TRIM64C: variants seen among roughly 807,000 people sequenced by gnomAD.
TRIM64C encodes the protein tripartite motif containing 64C.
TRIM64C carries 25 observed loss-of-function variants against 36.1 expected under a neutral mutation model. The ratio of observed to expected loss-of-function variants is 0.69; its 90% CI spans 0.51 to 0.97. TRIM64C has a LOEUF of 0.97. Ranked by LOEUF, TRIM64C falls within the 50% of genes least tolerant of loss-of-function variation. The probability of loss-of-function intolerance (pLI) is 0.00; values close to 1 mark genes in which losing one functional copy is unlikely to be tolerated. For missense variants in TRIM64C, 489 were observed against 536.8 expected, an observed-to-expected ratio of 0.91 and a Z score of 0.88; for synonymous variants, 212 against 185.7, an observed-to-expected ratio of 1.14 and a Z score of -1.15.
chr11:49,054,995 A>C (rs1448563493), intron 5 of TRIM64C, among the ~76,000 whole-genome samples: 2 of 152,240 alleles, frequency 1.3e-5, no homozygotes, highest in East Asian at 3.8e-4. Flanking sequence ...GATTGAATTA[A>C]ATTGAATAAA....
At chr11:49,055,273 T>C (rs1357343764) in intron 5 of TRIM64C, 37 bp downstream of exon 5, 2 of 1,534,634 alleles carry the variant, frequency 1.3e-6, no homozygotes, top group Admixed American at 3.9e-5. Context: ...AATAAGGAAA[T>C]AATTTGAGGC....
chr11:49,055,188 T>C, intron 5 of TRIM64C, 122 bp downstream of exon 5: 2 of 1,230,732 alleles, frequency 1.6e-6, no homozygotes, highest in African/African-American at 1.5e-5. Flanking sequence ...GATGCACATG[T>C]TTTGGAAAAC....
At position 49,059,069 on chromosome 11, in the gene TRIM64C, C is replaced by T; in HGVS notation, c.44G>A (p.Cys15Tyr). ...TATGAAGTAGTTCACGCAAATGCAG[C>T]AAATGAGCTCATTCTGGAAGACTCG... Reference protein sequence around the residue: ...TLRVFQNELICCICVNYFIDP... With the variant: ...TLRVFQNELIYCICVNYFIDP... The change falls in exon 1 of 6, where the codon TGC becomes TAC. Residue 15 changes from cysteine (C) to tyrosine (Y), a missense_variant. Physicochemically the swap from Cys to Tyr is radical, Grantham distance 194. Coordinates refer to ENST00000617704, the MANE Select transcript of TRIM64C (RefSeq NM_001206631.1). 1 of 1,550,976 alleles carries T rather than the reference C, an allele frequency of 6.4e-7. No individual in the cohort carries two copies. The highest frequency in any genetic ancestry group is 8.7e-7 in the Non-Finnish European group (1 of 1,147,258).
Position 49,057,160 on chromosome 11 carries a change from C to A in TRIM64C, c.726G>T (p.Val242=). Residue 242 remains valine (V), a synonymous_variant, in exon 3 of 6, where the codon GTG becomes GTT. Transcript: ENST00000617704. ...CCTCCCTCCTCACCTGGAGCAGCTC[C>A]ACGTCAGGCATGTGGTATGTCTCCC... ...ELWETYHMPD[V]ELLQDVGNIS... 1 of 1,549,338 alleles carries A rather than the reference C, an allele frequency of 6.5e-7. No homozygotes were observed. The highest frequency in any genetic ancestry group is 8.7e-7 in the Non-Finnish European group (1 of 1,146,874).
rs1031163046 is a variant in TRIM64C at position 49,057,026 on chromosome 11, G to A, written c.738+122C>T. ...AAATGACTGGAAAAATGTAATGGTG[G>A]AAGTCACACAGCATGTGTCACTTAG... On this transcript the variant is annotated intron_variant, in intron 3 of 5. Coordinates refer to ENST00000617704, the MANE Select transcript of TRIM64C (RefSeq NM_001206631.1). 9 of 1,294,976 alleles carry A rather than the reference G, an allele frequency of 6.9e-6. No homozygotes were observed. In the East Asian group the frequency reaches 7.6e-5, roughly 11 times the overall value. The allele number at this position is 1,294,976 out of a possible 1,614,324, so 80.2% of individuals were successfully genotyped here.
Position 49,058,104 on chromosome 11 carries a change from C to A in TRIM64C, c.481G>T (p.Glu161Ter). Residue 161 changes from glutamate (E) to a stop codon, truncating the protein, a stop_gained, in exon 2 of 6, where the codon GAA becomes TAA. Coordinates refer to ENST00000617704, the MANE Select transcript of TRIM64C (RefSeq NM_001206631.1). LOFTEE classifies it high-confidence loss of function. ...NQETQNNLNQ[E>*]TSKFCSLVDY... ...ACTAATGAACAAAATTTGCTAGTTT[C>A]CTGATTTAGATTGTTTTGTGTCTCT... 3 of 1,527,506 alleles carry A rather than the reference C, an allele frequency of 2.0e-6. No individual in the cohort carries two copies. Among genetic ancestry groups the A allele is most frequent in the Non-Finnish European group, 2.6e-6 (3 of 1,143,754 alleles). The allele number at this position is 1,527,506 out of a possible 1,614,324, so 94.6% of individuals were successfully genotyped here.
At position 49,058,135 on chromosome 11, in the gene TRIM64C, G is replaced by A; in HGVS notation, c.450C>T (p.Ile150=). The A allele has an allele frequency of 6.5e-7, 1 of 1,529,778 alleles. No homozygotes were observed. Among genetic ancestry groups the A allele is most frequent in the Non-Finnish European group, 8.7e-7 (1 of 1,144,604 alleles). The allele number at this position is 1,529,778 out of a possible 1,614,324, so 94.8% of individuals were successfully genotyped here. Residue 150 remains isoleucine, a synonymous_variant, in exon 2 of 6, where the codon ATC becomes ATT. Transcript: ENST00000617704. ...LIKEMDYLWK[I]NQETQNNLNQ... is the part of the protein sequence containing the mutation. Reference sequence around the variant, plus strand: ...TTAGATTGTTTTGTGTCTCTTGATTGATTTTCCATAAATAGTCCATTTCCT... The same window carrying A: ...TTAGATTGTTTTGTGTCTCTTGATTAATTTTCCATAAATAGTCCATTTCCT...
At chr11:49,055,272 A>G (rs1172949961) in intron 5 of TRIM64C, 38 bp downstream of exon 5, 7 of 1,534,516 alleles carry the variant, frequency 4.6e-6, no homozygotes, top group Non-Finnish European at 5.2e-6. Context: ...CAATAAGGAA[A>G]TAATTTGAGG....
Position 49,058,838 on chromosome 11 carries a change from C to A in TRIM64C, c.275G>T (p.Cys92Phe). 1.3e-6 allele frequency: 2 copies of A among 1,549,422 alleles called. No homozygotes were observed. Among genetic ancestry groups the A allele is most frequent in the South Asian group, 2.4e-5 (2 of 83,974 alleles). ...PQNINSSDNI[C>F]VLHEETKELF... is the part of the protein sequence containing the mutation. Reference sequence around the variant, plus strand: ...CTCCTTAGTCTCCTCATGGAGCACACAGATATTGTCTGAGCTGTTGATGTT... The same window carrying A: ...CTCCTTAGTCTCCTCATGGAGCACAAAGATATTGTCTGAGCTGTTGATGTT... The change falls in exon 1 of 6, where the codon TGT (cysteine) becomes TTT (phenylalanine). Residue 92 changes from cysteine to phenylalanine, a missense_variant. Cys to Phe is a radical substitution (Grantham distance 205, BLOSUM62 -2). Transcript: ENST00000617704.
intron 5 of TRIM64C, among the ~76,000 whole-genome samples, chr11:49,054,882 A>C (rs1423759707): frequency 6.6e-6 from 1 of 152,216 alleles, no homozygotes; most frequent in Non-Finnish European, 1.5e-5. Flanking sequence ...TGTTGATCAA[A>C]ATGTTCTGAT....
intron 4 of TRIM64C, 42 bp from the exon 5 acceptor site, chr11:49,055,449 A>G: frequency 2.0e-6 from 3 of 1,532,690 alleles, no homozygotes; most frequent in Non-Finnish European, 2.6e-6. Flanking sequence ...CCAGGACCAG[A>G]GCTAATCACA....
Position 49,053,942 on chromosome 11 carries a change from T to A in TRIM64C, c.1125A>T (p.Thr375=). The part of the protein sequence containing the change: ...DTNIVIDSDK[T]FFSISSKTSN... ...TCGTCTTTGAAGAAATTGAAAAAAA[T>A]GTTTTGTCAGAATCAATAACTATAT... Residue 375 remains threonine (T), a synonymous_variant, in exon 6 of 6, where the codon ACA becomes ACT. Transcript: ENST00000617704. 1.9e-6 allele frequency: 3 copies of A among 1,551,496 alleles called. No homozygotes were observed. The highest frequency in any genetic ancestry group is 1.4e-5 in the African/African-American group (1 of 73,126).
intron 1 of TRIM64C, 58 bp from the exon 2 acceptor site, chr11:49,058,230 T>A (rs1854836811): frequency 1.7e-6 from 2 of 1,188,646 alleles, no homozygotes; most frequent in Middle Eastern, 2.8e-4. Context: ...TATCCCTTTA[T>A]CAATAAAAAA....
At position 49,054,068 on chromosome 11, in the gene TRIM64C, C is replaced by T. The variant is rs202107255; in HGVS notation, c.999G>A (p.Ala333=). The change falls in exon 6 of 6, where the codon GCG becomes GCA. Residue 333 remains alanine, a synonymous_variant. Coordinates refer to ENST00000617704, the MANE Select transcript of TRIM64C (RefSeq NM_001206631.1). ...QGVESFAVWC[A]QAFTSGKHYW... ...AATGCTTGCCGGAGGTGAATGCTTG[C>T]GCACACCACACAGCAAAGCTCTCCA... The T allele has an allele frequency of 3.4e-5, 52 of 1,551,438 alleles. No homozygotes were observed. The highest frequency in any genetic ancestry group is 1.7e-4 in the Middle Eastern group (1 of 6,010).
In TRIM64C at chr11:49,058,961, C is replaced by T. The variant is rs546301976; in HGVS notation, c.152G>A (p.Arg51His). The T allele has an allele frequency of 3.0e-5, 47 of 1,551,390 alleles. No homozygotes were observed. The highest frequency in any genetic ancestry group is 4.9e-5 in the East Asian group (2 of 40,900). Residue 51 changes from arginine to histidine, a missense_variant, in exon 1 of 6, where the codon CGC (arginine) becomes CAC (histidine). Arg to His is a conservative substitution (Grantham distance 29). Coordinates refer to ENST00000617704, the MANE Select transcript of TRIM64C (RefSeq NM_001206631.1). The part of the protein sequence containing the change: ...LCSEEGRAPM[R>H]CPLCRKISEK... ...TGAGATTTTTCTGCACAAAGGGCAG[C>T]GCATTGGTGCTCTGCCTTCTTCTGA... is the stretch of plus-strand genomic sequence containing the variant.
rs1050782259 is a variant in TRIM64C at position 49,057,315 on chromosome 11, C to G, written c.571G>C (p.Asp191His). Residue 191 changes from aspartate to histidine, a missense_variant, in exon 3 of 6, where the codon GAT (aspartate) becomes CAT (histidine). Asp to His is a moderately conservative substitution (Grantham distance 81). Transcript: ENST00000617704. ...TGCAGATGCCGTTGCTCCTCCTCAT[C>G]GAGAAATATATGCATCTTTTGATAC... ...IQYQKMHIFL[D>H]EEEQRHLQAL... 28 of 1,549,612 alleles carry G rather than the reference C, an allele frequency of 1.8e-5. No individual in the cohort carries two copies. In the African/African-American group the frequency reaches 3.7e-4, roughly 21 times the overall value.
Position 49,053,820 on chromosome 11 carries a change from C to T in TRIM64C, c.1247G>A (p.Gly416Glu). Residue 416 changes from glycine to glutamate, a missense_variant, in exon 6 of 6, where the codon GGA (glycine) becomes GAA (glutamate). Transcript: ENST00000617704. ...AGAAACATCAAAAAAACTCACAGAT[C>T]CATTATCATAATCCAGAAACACCCC... ...WVGVFLDYDN[G>E]SVSFFDVSKG... 6.4e-7 allele frequency: 1 copy of T among 1,551,668 alleles called. No individual in the cohort carries two copies. The highest frequency in any genetic ancestry group is 8.7e-7 in the Non-Finnish European group (1 of 1,146,860).
rs1371048700 is a variant in TRIM64C, at chr11:49,058,096, G to T, written c.489C>A (p.Ser163Arg). Residue 163 changes from serine (S) to arginine (R), a missense_variant, in exon 2 of 6, where the codon AGC becomes AGA. Coordinates refer to ENST00000617704, the MANE Select transcript of TRIM64C (RefSeq NM_001206631.1). ...ETQNNLNQET[S>R]KFCSLVDYVS... ...TCTTAACCACTAATGAACAAAATTT[G>T]CTAGTTTCCTGATTTAGATTGTTTT... 8.5e-6 allele frequency: 13 copies of T among 1,526,156 alleles called. No homozygotes were observed. In the Admixed American group the frequency reaches 2.6e-4, roughly 31 times the overall value. 94.5% of individuals were successfully genotyped at this position (1,526,156 alleles called of 1,614,324 possible).
At position 49,059,051 on chromosome 11, in the gene TRIM64C, T is replaced by C. The variant is rs1049773807; in HGVS notation, c.62A>G (p.Tyr21Cys). 15 of 1,552,616 alleles carry C rather than the reference T, an allele frequency of 9.7e-6. No individual in the cohort carries two copies. The highest frequency in any genetic ancestry group is 1.2e-5 in the Non-Finnish European group (14 of 1,147,696). The change falls in exon 1 of 6, where the codon TAC becomes TGC. Residue 21 changes from tyrosine (Y) to cysteine (C), a missense_variant. Coordinates refer to ENST00000617704, the MANE Select transcript of TRIM64C (RefSeq NM_001206631.1). The part of the protein sequence containing the change: ...NELICCICVN[Y>C]FIDPVTTDCV... ...GTCAGTGGTGACCGGGTCTATGAAG[T>C]AGTTCACGCAAATGCAGCAAATGAG...
Sources: allele counts gnomAD v4.1 joint callset (sites outside exome capture counted in the v4.1 genomes callset), GRCh38; gene constraint gnomAD v4.1.1; transcripts MANE v1.5; gene names NCBI Gene and HGNC (gene_info 2026-07-23, HGNC 2026-07-21).